Variants in FUT9 observed in about 807,000 individuals in gnomAD.
FUT9 encodes 4-galactosyl-N-acetylglucosaminide 3-alpha-L-fucosyltransferase 9.
A neutral mutation model predicts 29.7 loss-of-function variants in FUT9; 15 were observed. The ratio of observed to expected loss-of-function variants is 0.51; its 90% confidence interval spans 0.34 to 0.78. FUT9 has a LOEUF of 0.78. Ranked by LOEUF, FUT9 falls within the 30% of genes least tolerant of loss-of-function variation. The pLI, the probability that FUT9 is intolerant of heterozygous loss-of-function variation, is 0.01. For synonymous variants in FUT9, 169 were observed against 153.7 expected, an observed-to-expected ratio of 1.10 and a Z score of -0.74; for missense variants, 319 against 425.4, an observed-to-expected ratio of 0.75 and a Z score of 2.20.
intron 1 of FUT9, among the ~76,000 whole-genome samples, chr6:96,084,756 A>G (rs1771288873): frequency 6.6e-6 from 1 of 152,136 alleles, no homozygotes; most frequent in South Asian, 2.1e-4. Context: ...ATTACTTAGC[A>G]CACTATGGTC....
intron 2 of FUT9, among the ~76,000 whole-genome samples, chr6:96,148,161 C>T (rs1255979927): frequency 6.6e-6 from 1 of 152,138 alleles, no homozygotes; most frequent in East Asian, 1.9e-4. Context: ...AAAAGTCTTT[C>T]CAACAGTTTA....
At chr6:96,193,666 C>T (rs1427185911) in intron 2 of FUT9, among the ~76,000 whole-genome samples, 1 of 152,008 alleles carries the variant, frequency 6.6e-6, no homozygotes, top group Non-Finnish European at 1.5e-5. Context: ...GGATCTAGAA[C>T]TGGAAATACC....
chr6:96,055,097 C>A (rs2127940516), intron 1 of FUT9, among the ~76,000 whole-genome samples: 1 of 152,190 alleles, frequency 6.6e-6, no homozygotes, highest in East Asian at 1.9e-4. Context: ...TTTCCAAATT[C>A]ATTAAATTCT....
intron 2 of FUT9, among the ~76,000 whole-genome samples, chr6:96,117,863 T>C (rs1446128103): frequency 6.6e-6 from 1 of 152,206 alleles, no homozygotes; most frequent in African/African-American, 2.4e-5. Flanking sequence ...TATTCACATT[T>C]AAATTCAAAA....
At chr6:96,197,911 G>T (rs894982305) in intron 2 of FUT9, among the ~76,000 whole-genome samples, 1 of 152,068 alleles carries the variant, frequency 6.6e-6, no homozygotes. Flanking sequence ...TTAAAATAAG[G>T]ATTCAATACC....
chr6:96,138,637 G>A (rs534512933), intron 2 of FUT9, among the ~76,000 whole-genome samples: 3 of 152,228 alleles, frequency 2.0e-5, no homozygotes, highest in African/African-American at 7.2e-5. Flanking sequence ...TCATCGTATA[G>A]TCTGTCAGCA....
At chr6:96,038,993 C>G (rs7747031) in intron 1 of FUT9, among the ~76,000 whole-genome samples, 1 of 151,982 alleles carries the variant, frequency 6.6e-6, no homozygotes, top group African/African-American at 2.4e-5. Context: ...AATAATCAAG[C>G]CTCCCCTCAA....
At chr6:96,112,836 G>A (rs977110035) in intron 1 of FUT9, among the ~76,000 whole-genome samples, 2 of 152,142 alleles carry the variant, frequency 1.3e-5, no homozygotes, top group African/African-American at 2.4e-5. Context: ...AGAGAAAACT[G>A]AATCTGCCCT....
At chr6:96,165,735 C>A (rs1003723996) in intron 2 of FUT9, among the ~76,000 whole-genome samples, 7 of 152,006 alleles carry the variant, frequency 4.6e-5, no homozygotes, top group African/African-American at 1.7e-4. Context: ...TGTGCCTCAG[C>A]CTCCGAAATA....
chr6:96,064,302 G>T (rs1259206314), intron 1 of FUT9, among the ~76,000 whole-genome samples: 2 of 152,106 alleles, frequency 1.3e-5, no homozygotes, highest in East Asian at 1.9e-4. Flanking sequence ...CCCAGCCTGG[G>T]TCTCCCTGCT....
At chr6:96,098,142 T>C (rs1014617803) in intron 1 of FUT9, among the ~76,000 whole-genome samples, 1 of 151,964 alleles carries the variant, frequency 6.6e-6, no homozygotes, top group Admixed American at 6.6e-5. Flanking sequence ...ATTGAATAAA[T>C]GGATGGAATG....
At chr6:96,046,221 G>GCGCACACA (rs1554188603) in intron 1 of FUT9, among the ~76,000 whole-genome samples, 3 of 148,084 alleles carry the variant, frequency 2.0e-5, no homozygotes, top group Non-Finnish European at 4.5e-5. Flanking sequence ...ACACAGATAT[G>GCGCACACA]CACACACACA....
intron 1 of FUT9, among the ~76,000 whole-genome samples, chr6:96,089,328 A>T (rs922695188): frequency 6.6e-6 from 1 of 152,064 alleles, no homozygotes; most frequent in South Asian, 2.1e-4. Flanking sequence ...AGTTCCTAAC[A>T]TTTGTCTTCT....
intron 2 of FUT9, among the ~76,000 whole-genome samples, chr6:96,202,418 T>C (rs1223473268): frequency 6.6e-6 from 1 of 152,148 alleles, no homozygotes; most frequent in Non-Finnish European, 1.5e-5. Context: ...AATAGAACAT[T>C]TGATTATTAC....
chr6:96,124,834 G>A (rs1248077409), intron 2 of FUT9, among the ~76,000 whole-genome samples: 1 of 152,074 alleles, frequency 6.6e-6, no homozygotes, highest in Admixed American at 6.6e-5. Context: ...CCAAAAAGAT[G>A]TATAATTTTT....
intron 1 of FUT9, among the ~76,000 whole-genome samples, chr6:96,082,477 T>C (rs1312295597): frequency 6.6e-6 from 1 of 151,866 alleles, no homozygotes; most frequent in Admixed American, 6.6e-5. Context: ...TAAAACTATT[T>C]CTGCCATTGG....
rs775402689 is a variant in FUT9, at chr6:96,203,581, T to G, written c.426T>G (p.Thr142=). The G allele has an allele frequency of 1.9e-6, 3 of 1,613,812 alleles. No homozygotes were observed. The highest frequency in any genetic ancestry group is 2.5e-6 in the Non-Finnish European group (3 of 1,179,924). ...TGAATTTGGAATCACCAACTCACACTCCCCAAAAGAGTGGCATTGAGCACT... is the reference window on the plus strand; with the variant it reads ...TGAATTTGGAATCACCAACTCACACGCCCCAAAAGAGTGGCATTGAGCACT... ...IWMNLESPTH[T]PQKSGIEHLF... is the part of the protein sequence containing the mutation. The change falls in exon 3 of 3, where the codon ACT becomes ACG. Residue 142 remains threonine (T), a synonymous_variant. Transcript: ENST00000302103.
chr6:96,101,923 C>A (rs1351324459), intron 1 of FUT9, among the ~76,000 whole-genome samples: 1 of 151,594 alleles, frequency 6.6e-6, no homozygotes, highest in Non-Finnish European at 1.5e-5. Context: ...ATCATTTTAT[C>A]CTATGATTAT....
intron 1 of FUT9, among the ~76,000 whole-genome samples, chr6:96,105,001 G>A (rs1019673903): frequency 6.6e-6 from 1 of 152,106 alleles, no homozygotes; most frequent in Non-Finnish European, 1.5e-5. Context: ...AGGCAATCTG[G>A]GTTCTTCCGT....
Sources: gnomAD v4.1 joint callset for allele counts (sites outside exome capture counted in the v4.1 genomes callset) on GRCh38, gnomAD v4.1.1 for gene constraint, MANE v1.5 for transcripts, NCBI Gene and HGNC (gene_info 2026-07-23, HGNC 2026-07-21) for gene names.